SIPA1L2: variants seen among roughly 807,000 people sequenced by gnomAD.
SIPA1L2 encodes the protein signal induced proliferation associated 1 like 2.
Under a neutral mutation model 163.9 loss-of-function variants are expected in SIPA1L2, and 56 were observed. The ratio of observed to expected loss-of-function variants is 0.34; its 90% confidence interval spans 0.28 to 0.43. The LOEUF (loss-of-function observed/expected upper bound fraction) is 0.43, where lower values mean the gene tolerates loss of function less well. Ranked by LOEUF, SIPA1L2 falls within the 20% of genes least tolerant of loss-of-function variation. The pLI is 1.00. For missense variants in SIPA1L2, 1,974 were observed against 2,193.5 expected (o/e 0.90, Z 2.00); for synonymous variants, 877 against 865.7 (o/e 1.01, Z -0.23).
intron 2 of SIPA1L2, among the ~76,000 whole-genome samples, chr1:232,557,293 G>A (rs989086324): frequency 6.6e-6 from 1 of 152,122 alleles, no homozygotes; most frequent in Admixed American, 6.6e-5. Context: ...CCCATAATGT[G>A]GTTATCAGTC....
chr1:232,446,163 A>T (rs1013886391), intron 10 of SIPA1L2, among the ~76,000 whole-genome samples: 5 of 152,078 alleles, frequency 3.3e-5, no homozygotes, highest in Non-Finnish European at 5.9e-5. Flanking sequence ...ATACACAGCT[A>T]AAAAAAATTA....
chr1:232,535,420 A>G (rs1164815768), intron 2 of SIPA1L2, among the ~76,000 whole-genome samples: 1 of 152,160 alleles, frequency 6.6e-6, no homozygotes, highest in Non-Finnish European at 1.5e-5. Context: ...GAAATATGAC[A>G]CAAACAGAAG....
chr1:232,617,765 G>A (rs1299871462), intron 1 of SIPA1L2, among the ~76,000 whole-genome samples: 2 of 152,168 alleles, frequency 1.3e-5, no homozygotes, highest in African/African-American at 2.4e-5. Flanking sequence ...ATAGAAGTAT[G>A]GGCCATATGG....
chr1:232,409,598 T>A (rs1474165590), intron 19 of SIPA1L2, among the ~76,000 whole-genome samples: 1 of 152,218 alleles, frequency 6.6e-6, no homozygotes, highest in Non-Finnish European at 1.5e-5. Flanking sequence ...ACAGAACTTC[T>A]GCTTTTGCTC....
chr1:232,440,603 C>T (rs1440033884), intron 14 of SIPA1L2, among the ~76,000 whole-genome samples: 1 of 152,216 alleles, frequency 6.6e-6, no homozygotes, highest in East Asian at 1.9e-4. Flanking sequence ...GCTGATGACA[C>T]ATTAAGAAAG....
At chr1:232,554,601 G>A (rs1311707101) in intron 2 of SIPA1L2, among the ~76,000 whole-genome samples, 6 of 152,228 alleles carry the variant, frequency 3.9e-5, no homozygotes, top group South Asian at 2.1e-4. Context: ...ATGAAACGAC[G>A]ACTTATTTTA....
At chr1:232,454,029 T>C (rs962876980) in intron 10 of SIPA1L2, among the ~76,000 whole-genome samples, 1 of 152,178 alleles carries the variant, frequency 6.6e-6, no homozygotes, top group Non-Finnish European at 1.5e-5. Context: ...GGGTAATTGA[T>C]GCTCATTCGC....
At chr1:232,468,719 A>G (rs746272486) in intron 8 of SIPA1L2, among the ~76,000 whole-genome samples, 3 of 152,208 alleles carry the variant, frequency 2.0e-5, no homozygotes, top group African/African-American at 7.2e-5. Context: ...ATCATTTTCT[A>G]TAGGTATCTC....
At chr1:232,521,298 A>C (rs1321982471) in intron 2 of SIPA1L2, among the ~76,000 whole-genome samples, 2 of 152,226 alleles carry the variant, frequency 1.3e-5, no homozygotes, top group Non-Finnish European at 2.9e-5. Context: ...TATTTGGAGG[A>C]ATTTCTCAAG....
chr1:232,585,340 C>T (rs1660600702), intron 1 of SIPA1L2, among the ~76,000 whole-genome samples: 1 of 152,066 alleles, frequency 6.6e-6, no homozygotes. Context: ...GCCTTTCTCC[C>T]CACAGTAAAA....
At position 232,521,713 on chromosome 1, in the gene SIPA1L2, G is replaced by A. The variant is rs548834409; in HGVS notation, c.-269-6105C>T. On this transcript the variant is annotated intron_variant, in intron 2 of 22. Transcript: ENST00000674635. ...TCATAACACATGCTTGGAGCACACT[G>A]ATTCTCATTTGTCTCTTTTGGTCTG... Among the ~76,000 whole-genome samples the A allele has an allele frequency of 9.9e-5, 15 of 152,262 alleles. No homozygotes were observed. In the South Asian group the frequency reaches 1.0e-3, roughly 11 times the overall value.
intron 16 of SIPA1L2, among the ~76,000 whole-genome samples, chr1:232,428,903 A>G (rs1021758324): frequency 6.6e-6 from 1 of 152,130 alleles, no homozygotes; most frequent in African/African-American, 2.4e-5. Context: ...TTCATCAGAG[A>G]TGATCATATG....
chr1:232,518,890 A>T lies in SIPA1L2; in HGVS notation c.-269-3282T>A, dbSNP rs544093898. On this transcript the variant is annotated intron_variant, in intron 2 of 22. Transcript: ENST00000674635. ...AATTAACAAATTACTGTACAAATATATTAGGCAGTAAGTCCTTATATTAGA... is the reference window on the plus strand; with the variant it reads ...AATTAACAAATTACTGTACAAATATTTTAGGCAGTAAGTCCTTATATTAGA... Among the ~76,000 whole-genome samples, 9 of 152,310 alleles carry T rather than the reference A, an allele frequency of 5.9e-5. No individual in the cohort carries two copies. In the East Asian group the frequency reaches 1.7e-3, roughly 29 times the overall value.
chr1:232,564,972 C>T (rs537249417), intron 2 of SIPA1L2, among the ~76,000 whole-genome samples: 89 of 152,026 alleles, frequency 5.9e-4, no homozygotes, highest in African/African-American at 1.9e-3. Flanking sequence ...ACCTAGATGA[C>T]GGGTTGATAG....
At chr1:232,595,463 GGGCTGTCACTGC>G (rs1661209911) in intron 1 of SIPA1L2, among the ~76,000 whole-genome samples, 1 of 152,186 alleles carries the variant, frequency 6.6e-6, no homozygotes, top group Non-Finnish European at 1.5e-5. Context: ...TGTCACTGCT[GGGCTGTCACTGC>G]TGCACCGGGC....
chr1:232,572,477 T>G (rs1185935067), intron 2 of SIPA1L2, among the ~76,000 whole-genome samples: 1 of 152,058 alleles, frequency 6.6e-6, no homozygotes, highest in Non-Finnish European at 1.5e-5. Flanking sequence ...ACACATTCTT[T>G]TCAGGCAGAG....
At chr1:232,608,055 A>AAAAAAAAAAAAAAC (rs1662046120) in intron 1 of SIPA1L2, among the ~76,000 whole-genome samples, 1 of 150,200 alleles carries the variant, frequency 6.7e-6, no homozygotes, top group African/African-American at 2.5e-5. Context: ...CTCAAAAAAA[A>AAAAAAAAAAAAAAC]AAAAAAAAAA....
chr1:232,480,896 C>A (rs1309369879), intron 6 of SIPA1L2, among the ~76,000 whole-genome samples: 1 of 151,938 alleles, frequency 6.6e-6, no homozygotes, highest in Non-Finnish European at 1.5e-5. Flanking sequence ...CTTTCTGAAC[C>A]CTGTAGTATG....
intron 7 of SIPA1L2, 60 bp from the exon 8 acceptor site, chr1:232,471,588 TA>T: frequency 7.5e-7 from 1 of 1,332,868 alleles, no homozygotes; most frequent in Non-Finnish European, 1.0e-6. Context: ...AATATATATA[TA>T]ATTCACTCAT....
Sources: gnomAD v4.1 joint callset for allele counts (sites outside exome capture counted in the v4.1 genomes callset) on GRCh38, gnomAD v4.1.1 for gene constraint, MANE v1.5 for transcripts, NCBI Gene and HGNC (gene_info 2026-07-23, HGNC 2026-07-21) for gene names.